Variants in SNTG1 observed in about 807,000 individuals in gnomAD.
SNTG1 encodes the protein syntrophin gamma 1.
A neutral mutation model predicts 74.7 loss-of-function variants in SNTG1; 39 were observed. The observed-to-expected ratio is 0.52, with a 90% CI of 0.40 to 0.68. The LOEUF is 0.68. Ranked by LOEUF, SNTG1 falls within the 30% of genes least tolerant of loss-of-function variation. The probability of loss-of-function intolerance (pLI) is 0.00; values close to 1 mark genes in which losing one functional copy is unlikely to be tolerated. For synonymous variants in SNTG1, 254 were observed against 217.1 expected (o/e 1.17, Z -1.49); for missense variants, 685 against 609.5 (o/e 1.12, Z -1.30).
intron 2 of SNTG1, among the ~76,000 whole-genome samples, chr8:50,215,438 C>A (rs979800450): frequency 6.9e-6 from 1 of 144,988 alleles, no homozygotes; most frequent in Non-Finnish European, 1.5e-5. Flanking sequence ...TATATATAGT[C>A]TATATATATG....
chr8:50,632,869 A>G (rs138854978), intron 13 of SNTG1, among the ~76,000 whole-genome samples: 16 of 152,290 alleles, frequency 1.1e-4, no homozygotes, highest in African/African-American at 2.9e-4. Flanking sequence ...GCCATAATTA[A>G]TAAAGGTCCT....
intron 1 of SNTG1, among the ~76,000 whole-genome samples, chr8:49,951,179 G>C (rs564285422): frequency 2.5e-4 from 38 of 152,226 alleles, no homozygotes; most frequent in African/African-American, 8.7e-4. Flanking sequence ...AATTAGGTTT[G>C]CTGACATCTA....
rs114004269 is a variant in SNTG1 at position 50,004,242 on chromosome 8, C to T, written c.-103+92011C>T. Among the ~76,000 whole-genome samples, 1,247 of 152,218 alleles carry T rather than the reference C, an allele frequency of 8.2e-3. 24 individuals are homozygous for T. The highest frequency in any genetic ancestry group is 0.028 in the African/African-American group (1,163 of 41,532). ...ACTACTTAAATTCCATCCTCTCTTC[C>T]GGCCCAGGGATGTTTAACATACATT... On this transcript the variant is annotated intron_variant, in intron 1 of 18. Transcript: ENST00000642720.
chr8:50,008,563 T>C (rs1292069401), intron 1 of SNTG1, among the ~76,000 whole-genome samples: 1 of 152,032 alleles, frequency 6.6e-6, no homozygotes, highest in Non-Finnish European at 1.5e-5. Flanking sequence ...AATGGACAAG[T>C]GGATGAATGA....
chr8:50,369,109 T>C (rs2092202968), intron 2 of SNTG1, among the ~76,000 whole-genome samples: 1 of 152,122 alleles, frequency 6.6e-6, no homozygotes, highest in South Asian at 2.1e-4. Flanking sequence ...ATTTTGCATG[T>C]GATAAGAACA....
At chr8:49,960,035 G>A (rs1563397945) in intron 1 of SNTG1, among the ~76,000 whole-genome samples, 2 of 152,190 alleles carry the variant, frequency 1.3e-5, no homozygotes, top group Non-Finnish European at 2.9e-5. Context: ...TTGAGATTCA[G>A]TTCAGCATTC....
chr8:50,717,792 A>T (rs564983150), intron 17 of SNTG1, among the ~76,000 whole-genome samples: 1 of 152,188 alleles, frequency 6.6e-6, no homozygotes, highest in African/African-American at 2.4e-5. Flanking sequence ...GCACAGTGAG[A>T]CTTGCATGAT....
intron 2 of SNTG1, among the ~76,000 whole-genome samples, chr8:50,308,384 A>G (rs994469546): frequency 2.0e-5 from 3 of 151,896 alleles, no homozygotes; most frequent in African/African-American, 7.3e-5. Flanking sequence ...ATGCCATGCA[A>G]GGCCTATAGA....
chr8:50,105,365 C>T (rs945706416), intron 1 of SNTG1, among the ~76,000 whole-genome samples: 2 of 152,044 alleles, frequency 1.3e-5, no homozygotes, highest in African/African-American at 4.8e-5. Flanking sequence ...TCTGCACTCT[C>T]CATTCTATTC....
At position 50,398,314 on chromosome 8, in the gene SNTG1, C is replaced by T. The variant is rs142923082; in HGVS notation, c.28-3896C>T. Among the ~76,000 whole-genome samples, 510 of 152,334 alleles carry T rather than the reference C, an allele frequency of 3.3e-3. 2 individuals are homozygous for T. Among genetic ancestry groups the T allele is most frequent in the African/African-American group, 0.012 (479 of 41,588 alleles). On this transcript the variant is annotated intron_variant, in intron 3 of 18. Coordinates refer to ENST00000642720, the MANE Select transcript of SNTG1 (RefSeq NM_018967.5). ...CTGCCCATCATACAGGGCGTTAGCA[C>T]GCCTGGTCCTCTCCAGACATCTCTC...
chr8:50,488,539 C>G (rs112075302), intron 8 of SNTG1, among the ~76,000 whole-genome samples: 1 of 152,122 alleles, frequency 6.6e-6, no homozygotes, highest in Admixed American at 6.6e-5. Flanking sequence ...GCTCTGCCTG[C>G]CATTTTCCTT....
At chr8:50,508,672 G>A (rs2129864184) in intron 9 of SNTG1, among the ~76,000 whole-genome samples, 1 of 152,326 alleles carries the variant, frequency 6.6e-6, no homozygotes, top group African/African-American at 2.4e-5. Flanking sequence ...GATGGCCAGT[G>A]ATGATGAGCA....
chr8:50,284,014 T>A (rs1375944), intron 2 of SNTG1, among the ~76,000 whole-genome samples: 79,352 of 151,894 alleles, frequency 0.52, 23,735 homozygotes, highest in East Asian at 0.83. Context: ...GATTTCAGAT[T>A]TTAACTTAAT....
chr8:50,195,699 A>AC (rs1390273152), intron 2 of SNTG1, among the ~76,000 whole-genome samples: 1 of 152,150 alleles, frequency 6.6e-6, no homozygotes, highest in Non-Finnish European at 1.5e-5. Flanking sequence ...TCTCCCGCAA[A>AC]CAGACCTTCA....
At chr8:50,270,105 C>G (rs187051054) in intron 2 of SNTG1, among the ~76,000 whole-genome samples, 3 of 151,988 alleles carry the variant, frequency 2.0e-5, no homozygotes, top group African/African-American at 7.2e-5. Context: ...AATATCAAAG[C>G]AGAAAACATG....
chr8:50,718,994 G>C (rs1394185381), intron 17 of SNTG1, among the ~76,000 whole-genome samples: 1 of 152,082 alleles, frequency 6.6e-6, no homozygotes, highest in Non-Finnish European at 1.5e-5. Flanking sequence ...TTTCTCTTTA[G>C]AATGTTTACT....
intron 1 of SNTG1, among the ~76,000 whole-genome samples, chr8:49,972,021 A>G (rs1811731843): frequency 1.3e-5 from 2 of 152,206 alleles, no homozygotes; most frequent in Non-Finnish European, 2.9e-5. Flanking sequence ...ACTACTTTCA[A>G]GTTCATGTGG....
intron 1 of SNTG1, among the ~76,000 whole-genome samples, chr8:50,050,030 C>A (rs188561865): frequency 6.6e-6 from 1 of 151,650 alleles, no homozygotes; most frequent in Non-Finnish European, 1.5e-5. Flanking sequence ...ACAATCTAAT[C>A]TTTCACCTTA....
intron 11 of SNTG1, among the ~76,000 whole-genome samples, chr8:50,547,570 A>G (rs2094397097): frequency 6.6e-6 from 1 of 152,150 alleles, no homozygotes; most frequent in African/African-American, 2.4e-5. Flanking sequence ...ATTATAACAC[A>G]CTTATTTAAT....
Sources: gnomAD v4.1 joint callset for allele counts (sites outside exome capture counted in the v4.1 genomes callset) on GRCh38, gnomAD v4.1.1 for gene constraint, MANE v1.5 for transcripts, NCBI Gene and HGNC (gene_info 2026-07-23, HGNC 2026-07-21) for gene names.